The following CNTNAP2 variants were observed in gnomAD, a reference collection of about 807,000 sequenced individuals.
CNTNAP2 encodes contactin-associated protein-like 2.
A neutral mutation model predicts 155.2 loss-of-function variants in CNTNAP2; 98 were observed. That is an observed-to-expected ratio of 0.63 (90% CI 0.54 to 0.75). CNTNAP2 has a LOEUF of 0.75. Among genes scored for constraint, CNTNAP2 ranks in the 30% least tolerant of loss-of-function variants. CNTNAP2 has a pLI of 0.00. For missense variants in CNTNAP2, 1,727 were observed against 1,688.1 expected (o/e 1.02, Z -0.40); for synonymous variants, 651 against 631.2 (o/e 1.03, Z -0.47).
At chr7:147,082,792 G>A (rs1296710255) in intron 4 of CNTNAP2, 2 of 152,128 alleles carry the variant, frequency 1.3e-5, no homozygotes, top group African/African-American at 4.8e-5. Context: ...TGTCAGGGTG[G>A]AACAGATCTC....
rs553845050 is a variant in CNTNAP2, at chr7:147,321,947, G to A, written c.1498+21657G>A. On this transcript the variant is annotated intron_variant, in intron 9 of 23. Coordinates refer to ENST00000361727, the MANE Select transcript of CNTNAP2 (RefSeq NM_014141.6). Reference sequence around the variant, plus strand: ...CAGAGACTGAAATTAACAAGATGAAGATTTCTTCCTTTGTTATATGAGAGA... The same window carrying A: ...CAGAGACTGAAATTAACAAGATGAAAATTTCTTCCTTTGTTATATGAGAGA... 2.0e-5 allele frequency among the ~76,000 whole-genome samples: 3 copies of A among 152,268 alleles called. No homozygotes were observed. The South Asian group carries it at 6.2e-4, about 32-fold the overall frequency.
intron 1 of CNTNAP2, among the ~76,000 whole-genome samples, chr7:146,243,380 G>A (rs913384423): frequency 2.0e-5 from 3 of 151,746 alleles, no homozygotes; most frequent in Non-Finnish European, 2.9e-5. Context: ...CTGTCTATTC[G>A]TAGGTTAATA....
At chr7:147,999,208 G>A (rs1442544664) in intron 15 of CNTNAP2, among the ~76,000 whole-genome samples, 1 of 151,990 alleles carries the variant, frequency 6.6e-6, no homozygotes, top group East Asian at 1.9e-4. Context: ...TCAGCCTCCT[G>A]AGTAGCTGGA....
intron 3 of CNTNAP2, among the ~76,000 whole-genome samples, chr7:146,930,922 C>G (rs1461493033): frequency 6.6e-6 from 1 of 152,008 alleles, no homozygotes; most frequent in Non-Finnish European, 1.5e-5. Flanking sequence ...ACAGGAGCAC[C>G]CAGATTCATA....
chr7:146,893,578 T>C (rs1795821493), intron 3 of CNTNAP2, among the ~76,000 whole-genome samples: 1 of 152,016 alleles, frequency 6.6e-6, no homozygotes, highest in South Asian at 2.1e-4. Flanking sequence ...GAAAAAGATA[T>C]TCTAAGTGGG....
rs144508292 is a variant in CNTNAP2 at position 146,156,445 on chromosome 7, T to G, written c.97+39472T>G. 3.1e-3 allele frequency among the ~76,000 whole-genome samples: 477 copies of G among 152,346 alleles called. 2 individuals are homozygous for G. Among genetic ancestry groups the G allele is most frequent in the Non-Finnish European group, 6.0e-3 (405 of 68,030 alleles). ...GGAATGGCAACTGTAGTGATTTATA[T>G]TCCTCTAATTTTTTGCAAAAAAAAG... On this transcript the variant is annotated intron_variant, in intron 1 of 23. Coordinates refer to ENST00000361727, the MANE Select transcript of CNTNAP2 (RefSeq NM_014141.6).
intron 8 of CNTNAP2, among the ~76,000 whole-genome samples, chr7:147,155,862 C>A (rs1363526412): frequency 6.6e-6 from 1 of 152,006 alleles, no homozygotes; most frequent in Non-Finnish European, 1.5e-5. Flanking sequence ...GGAAGAGGGA[C>A]CCTGAGGAGC....
At chr7:146,600,409 G>A (rs971126015) in intron 1 of CNTNAP2, among the ~76,000 whole-genome samples, 1 of 151,968 alleles carries the variant, frequency 6.6e-6, no homozygotes, top group Non-Finnish European at 1.5e-5. Flanking sequence ...ACTTTAAAAA[G>A]ACGTTTTAAA....
At chr7:147,189,209 TTTTA>T (rs1234821949) in intron 8 of CNTNAP2, among the ~76,000 whole-genome samples, 1 of 152,180 alleles carries the variant, frequency 6.6e-6, no homozygotes, top group African/African-American at 2.4e-5. Flanking sequence ...AAGGACAAAA[TTTTA>T]TATTATAAAA....
chr7:146,321,358 A>G (rs937406138), intron 1 of CNTNAP2, among the ~76,000 whole-genome samples: 3 of 152,174 alleles, frequency 2.0e-5, no homozygotes, highest in African/African-American at 7.2e-5. Flanking sequence ...GATTAGTGCC[A>G]TTCTATCTGG....
intron 19 of CNTNAP2, among the ~76,000 whole-genome samples, chr7:148,228,519 T>C (rs554341235): frequency 5.3e-5 from 8 of 152,186 alleles, no homozygotes; most frequent in Non-Finnish European, 1.2e-4. Context: ...CCACCCAAAA[T>C]CTCATCTTTA....
chr7:148,085,156 A>G (rs1803699216), intron 15 of CNTNAP2, among the ~76,000 whole-genome samples: 1 of 152,218 alleles, frequency 6.6e-6, no homozygotes, highest in Non-Finnish European at 1.5e-5. Context: ...TATGACCTAT[A>G]TATATGGAAA....
At chr7:146,619,764 T>A (rs1413808924) in intron 1 of CNTNAP2, among the ~76,000 whole-genome samples, 3 of 152,166 alleles carry the variant, frequency 2.0e-5, no homozygotes, top group African/African-American at 7.2e-5. Context: ...AAACTGACTG[T>A]TTTGCTAATT....
rs188883254 is a variant in CNTNAP2 at position 148,114,986 on chromosome 7, G to T, written c.2384-3132G>T. ...CTTCTGAAGAATCTGGATTTAATAA[G>T]CTCATCCAGAGATTTGAGATAACTC... On this transcript the variant is annotated intron_variant, in intron 15 of 23. Coordinates refer to ENST00000361727, the MANE Select transcript of CNTNAP2 (RefSeq NM_014141.6). 1.6e-4 allele frequency among the ~76,000 whole-genome samples: 24 copies of T among 152,222 alleles called. 1 individual carries two copies. In the East Asian group the frequency reaches 4.2e-3, roughly 27 times the overall value.
At chr7:147,480,199 C>A (rs994530432) in intron 10 of CNTNAP2, among the ~76,000 whole-genome samples, 5 of 152,076 alleles carry the variant, frequency 3.3e-5, no homozygotes, top group African/African-American at 9.7e-5. Context: ...AAATTTCATG[C>A]TGAGATGAAG....
At chr7:146,937,761 A>G (rs576310600) in intron 3 of CNTNAP2, among the ~76,000 whole-genome samples, 1 of 152,332 alleles carries the variant, frequency 6.6e-6, no homozygotes, top group African/African-American at 2.4e-5. Context: ...AAATAATTAA[A>G]AAGGGTTAGA....
At chr7:146,783,495 C>G (rs1802524315) in intron 2 of CNTNAP2, among the ~76,000 whole-genome samples, 2 of 152,170 alleles carry the variant, frequency 1.3e-5, no homozygotes, top group South Asian at 4.1e-4. Context: ...ATGTGTAATA[C>G]AGGAATATGT....
chr7:147,461,013 A>G (rs563387833), intron 10 of CNTNAP2, among the ~76,000 whole-genome samples: 6 of 152,332 alleles, frequency 3.9e-5, no homozygotes, highest in Admixed American at 2.6e-4. Context: ...GTTAACCTCA[A>G]TCATGACAAA....
intron 15 of CNTNAP2, among the ~76,000 whole-genome samples, chr7:148,096,628 G>T (rs1323771557): frequency 3.3e-5 from 5 of 152,088 alleles, no homozygotes; most frequent in Admixed American, 2.6e-4. Context: ...GAGACACATT[G>T]GCAAGGTCAG....
Sources: allele counts gnomAD v4.1 joint callset (sites outside exome capture counted in the v4.1 genomes callset), GRCh38; gene constraint gnomAD v4.1.1; transcripts MANE v1.5; gene names NCBI Gene and HGNC (gene_info 2026-07-23, HGNC 2026-07-21).